The following HLTF variants were observed in gnomAD, a reference collection of about 807,000 sequenced individuals.
The protein encoded by HLTF is DNA-dependent ATPase/E3 ubiquitin-protein ligase HLTF.
Under a neutral mutation model 129.4 loss-of-function variants are expected in HLTF, and 127 were observed. The observed-to-expected ratio is 0.98, with a 90% CI of 0.85 to 1.14. The LOEUF is 1.14. Ranked by LOEUF, HLTF falls within the 50% of genes most tolerant of loss-of-function variation. HLTF has a pLI of 0.00. For synonymous variants in HLTF, 332 were observed against 388.8 expected (o/e 0.85, Z 1.72); for missense variants, 1,139 against 1,187.1 (o/e 0.96, Z 0.60).
chr3:149,069,472 G>GAAAAAAAA (rs36037300), intron 7 of HLTF, among the ~76,000 whole-genome samples: 1 of 122,740 alleles, frequency 8.1e-6, no homozygotes. Context: ...TCCATCTCAA[G>GAAAAAAAA]AAAAAAAAAA....
rs1559873575 is a variant in HLTF, at chr3:149,064,842, TAG to T, written c.1013_1014del (p.Ser338TyrfsTer10). 6.3e-7 allele frequency: 1 copy of T among 1,597,710 alleles called. No individual in the cohort carries two copies. Among genetic ancestry groups the T allele is most frequent in the South Asian group, 1.1e-5 (1 of 90,672 alleles). ...LKKEYNVNDD[S>X]MKLGGNNTSE... ...CTGGTATTGTTTCCTCCAAGTTTCA[TAG>T]AGTCATCGTTAACATTATATTCCTG... is the stretch of plus-strand genomic sequence containing the variant. On this transcript the variant is annotated frameshift_variant, in exon 9 of 25. Coordinates refer to ENST00000310053, the MANE Select transcript of HLTF (RefSeq NM_003071.4). LOFTEE classifies it high-confidence loss of function.
intron 2 of HLTF, among the ~76,000 whole-genome samples, chr3:149,083,329 AAAAAT>A (rs1224720456): frequency 1.3e-5 from 2 of 152,300 alleles, no homozygotes; most frequent in East Asian, 3.9e-4. Flanking sequence ...GTTCCTGGAA[AAAAAT>A]AAAATTTAAA....
At chr3:149,058,215 G>A (rs997381565) in intron 13 of HLTF, among the ~76,000 whole-genome samples, 5 of 152,176 alleles carry the variant, frequency 3.3e-5, no homozygotes, top group Non-Finnish European at 7.4e-5. Context: ...GGGACTACAG[G>A]CATGTGCTAC....
chr3:149,041,876 G>C, intron 19 of HLTF: 1 of 578,196 alleles, frequency 1.7e-6, no homozygotes. Context: ...TCATAGAGAA[G>C]CATCATTATA....
intron 15 of HLTF, 57 bp downstream of exon 15, chr3:149,050,175 T>C: frequency 8.6e-7 from 1 of 1,158,222 alleles, no homozygotes. Context: ...TAGAAACCTG[T>C]GGCATATTTC....
intron 14 of HLTF, among the ~76,000 whole-genome samples, chr3:149,053,005 C>T (rs1158355208): frequency 6.6e-6 from 1 of 152,156 alleles, no homozygotes; most frequent in Non-Finnish European, 1.5e-5. Flanking sequence ...GATTACTTGT[C>T]TAAATATCCA....
Position 149,046,154 on chromosome 3 carries a change from C to T in HLTF, c.1998G>A (p.Gln666=), listed in dbSNP as rs754635603. The T allele has an allele frequency of 1.2e-6, 2 of 1,609,880 alleles. No homozygotes were observed. The highest frequency in any genetic ancestry group is 1.7e-5 in the Admixed American group (1 of 59,610). The change falls in exon 18 of 25, where the codon CAG becomes CAA. Residue 666 remains glutamine (Q), a synonymous_variant. Coordinates refer to ENST00000310053, the MANE Select transcript of HLTF (RefSeq NM_003071.4). ...TCTCTTCATCTGAAAGTGTAATGTG[C>T]TGAATAAATACTTTACGTTCTGGTA... ...LELPERKVFI[Q]HITLSDEERK...
chr3:149,049,333 G>T (rs913051055), intron 15 of HLTF, among the ~76,000 whole-genome samples: 2 of 152,026 alleles, frequency 1.3e-5, no homozygotes, highest in Non-Finnish European at 2.9e-5. Flanking sequence ...GTTCTACCTC[G>T]GATTAAAACA....
In HLTF at chr3:149,064,313, C is replaced by T. The variant is rs140716196; in HGVS notation, c.1066+478G>A. On this transcript the variant is annotated intron_variant, in intron 9 of 24. Transcript: ENST00000310053. ...TCACCTACTACTCTTAAAATATTTT[C>T]AGTCTGCTCTAATCTATCTTTAGAA... 7.4e-4 allele frequency among the ~76,000 whole-genome samples: 113 copies of T among 152,286 alleles called. No homozygotes were observed. The East Asian group carries it at 0.02, about 27-fold the overall frequency.
At chr3:149,070,623 C>T (rs1718766000) in intron 7 of HLTF, among the ~76,000 whole-genome samples, 1 of 152,196 alleles carries the variant, frequency 6.6e-6, no homozygotes, top group South Asian at 2.1e-4. Flanking sequence ...ACATAAGTAT[C>T]TATTTAATAC....
chr3:149,038,566 G>C (rs1235691284), intron 23 of HLTF, among the ~76,000 whole-genome samples: 1 of 152,008 alleles, frequency 6.6e-6, no homozygotes, highest in Non-Finnish European at 1.5e-5. Flanking sequence ...GCAGTGACAG[G>C]AGCATGGCTC....
intron 3 of HLTF, 42 bp downstream of exon 3, chr3:149,075,839 A>G (rs1355942654): frequency 1.4e-6 from 2 of 1,429,322 alleles, no homozygotes; most frequent in East Asian, 2.3e-5. Flanking sequence ...AAAGATGACT[A>G]TAATTCACAA....
intron 3 of HLTF, among the ~76,000 whole-genome samples, chr3:149,074,951 G>C (rs185854939): frequency 3.3e-5 from 5 of 152,048 alleles, no homozygotes; most frequent in Non-Finnish European, 7.4e-5. Flanking sequence ...GATTGAAAGA[G>C]TTTAGAAAAA....
chr3:149,040,394 C>A, intron 20 of HLTF: 1 of 350,966 alleles, frequency 2.8e-6, no homozygotes, highest in Non-Finnish European at 5.1e-6. Flanking sequence ...TAGCTAGAAG[C>A]AAGAGCAAGA....
rs1412776432 is a variant in HLTF at position 149,063,429 on chromosome 3, A to G, written c.1160+2T>C. 4 of 1,539,306 alleles carry G rather than the reference A, an allele frequency of 2.6e-6. No individual in the cohort carries two copies. The highest frequency in any genetic ancestry group is 1.7e-5 in the Admixed American group (1 of 59,904). On this transcript the variant is annotated splice_donor_variant, in intron 10 of 24. Coordinates refer to ENST00000310053, the MANE Select transcript of HLTF (RefSeq NM_003071.4). LOFTEE classifies it high-confidence loss of function. ...TGACATAATCAAACCATAATAGTTT[A>G]CCTTTTGGGGCGGGAGCTAGACAAT...
chr3:149,035,515 G>A lies in HLTF; in HGVS notation c.2797-517C>T, dbSNP rs190779152. Among the ~76,000 whole-genome samples the A allele has an allele frequency of 2.9e-3, 448 of 151,914 alleles. 3 individuals are homozygous for A. The highest frequency in any genetic ancestry group is 5.0e-3 in the Non-Finnish European group (341 of 67,944). On this transcript the variant is annotated intron_variant, in intron 23 of 24. Coordinates refer to ENST00000310053, the MANE Select transcript of HLTF (RefSeq NM_003071.4). ...CTACTAAAAATAGAAAAAATTAGCC[G>A]GGAGAGGTGGCGGGCGCCTGTAGTC...
At chr3:149,037,767 G>A (rs186413589) in intron 23 of HLTF, among the ~76,000 whole-genome samples, 14 of 152,290 alleles carry the variant, frequency 9.2e-5, no homozygotes, top group African/African-American at 3.4e-4. Flanking sequence ...AAGTCTGAAT[G>A]CACAGAAACA....
At position 149,076,055 on chromosome 3, in the gene HLTF, A is replaced by T. The variant is rs181275086; in HGVS notation, c.229-8T>A. On this transcript the variant is annotated splice_polypyrimidine_tract_variant and splice_region_variant and intron_variant, in intron 2 of 24. Coordinates refer to ENST00000310053, the MANE Select transcript of HLTF (RefSeq NM_003071.4). Reference sequence around the variant, plus strand: ...CATTTCATTATTATTAACCTAATAAAAATGATAAACAGATAATATTACATT... The same window carrying T: ...CATTTCATTATTATTAACCTAATAATAATGATAAACAGATAATATTACATT... 2.9e-5 allele frequency: 32 copies of T among 1,093,894 alleles called. No homozygotes were observed. The Admixed American group carries it at 3.6e-4, about 12-fold the overall frequency. 67.8% of individuals were successfully genotyped at this position (1,093,894 alleles called of 1,614,324 possible).
chr3:149,054,051 CA>C lies in HLTF; in HGVS notation c.1473+1251del, dbSNP rs548260895. Among the ~76,000 whole-genome samples, 230 of 151,696 alleles carry C rather than the reference CA, an allele frequency of 1.5e-3. 3 individuals carry two copies. Among genetic ancestry groups the C allele is most frequent in the African/African-American group, 5.1e-3 (211 of 41,392 alleles). On this transcript the variant is annotated intron_variant, in intron 14 of 24. Coordinates refer to ENST00000310053, the MANE Select transcript of HLTF (RefSeq NM_003071.4). ...TAATTTAAAAAATAAATAAATAAAC[CA>C]AAAACTTATATAAAAAAAGATAATT...
Sources: allele counts gnomAD v4.1 joint callset (sites outside exome capture counted in the v4.1 genomes callset), GRCh38; gene constraint gnomAD v4.1.1; transcripts MANE v1.5; gene names NCBI Gene and HGNC (gene_info 2026-07-23, HGNC 2026-07-21).